AHCYL2: variants seen among roughly 807,000 people sequenced by gnomAD.
AHCYL2 encodes the protein adenosylhomocysteinase like 2.
Under a neutral mutation model 81.4 loss-of-function variants are expected in AHCYL2, and 28 were observed. The observed-to-expected ratio is 0.34, with a 90% CI of 0.25 to 0.47. The LOEUF is 0.47. AHCYL2 is among the 20% of genes least tolerant of loss of function. The probability of loss-of-function intolerance (pLI) is 1.00; values close to 1 mark genes in which losing one functional copy is unlikely to be tolerated. For synonymous variants in AHCYL2, 272 were observed against 290.2 expected (o/e 0.94, Z 0.64); for missense variants, 551 against 785.1 (o/e 0.70, Z 3.56).
intron 2 of AHCYL2, among the ~76,000 whole-genome samples, chr7:129,382,929 G>C (rs1795033631): frequency 6.6e-6 from 1 of 152,018 alleles, no homozygotes; most frequent in African/African-American, 2.4e-5. Flanking sequence ...TAATTTAAAT[G>C]ACTATAGAAA....
At chr7:129,283,786 A>G (rs965719865) in intron 1 of AHCYL2, among the ~76,000 whole-genome samples, 1 of 152,100 alleles carries the variant, frequency 6.6e-6, no homozygotes, top group South Asian at 2.1e-4. Flanking sequence ...CTTTTTTCAT[A>G]TTAGCTTCCA....
chr7:129,259,123 A>G (rs1455847262), intron 1 of AHCYL2, among the ~76,000 whole-genome samples: 1 of 152,140 alleles, frequency 6.6e-6, no homozygotes, highest in Non-Finnish European at 1.5e-5. Flanking sequence ...TTCCTTTAAT[A>G]ACATTACCTT....
At chr7:129,373,315 G>A (rs1035491526) in intron 1 of AHCYL2, among the ~76,000 whole-genome samples, 7 of 152,172 alleles carry the variant, frequency 4.6e-5, no homozygotes, top group Admixed American at 6.5e-5. Flanking sequence ...GGAGGCCGAG[G>A]TGGGCGGATC....
chr7:129,277,484 T>G (rs1447461667), intron 1 of AHCYL2, among the ~76,000 whole-genome samples: 6 of 152,154 alleles, frequency 3.9e-5, no homozygotes, highest in Non-Finnish European at 8.8e-5. Flanking sequence ...TTTGCCATGT[T>G]GCCCAGGCTG....
chr7:129,374,907 C>T (rs934586057), intron 1 of AHCYL2, among the ~76,000 whole-genome samples: 8 of 151,360 alleles, frequency 5.3e-5, no homozygotes, highest in Non-Finnish European at 8.8e-5. Context: ...CATCACTTTC[C>T]CCCCAATCTC....
intron 1 of AHCYL2, among the ~76,000 whole-genome samples, chr7:129,288,037 ATTAGCAATAATT>A (rs1460046825): frequency 1.3e-5 from 2 of 152,256 alleles, no homozygotes; most frequent in Non-Finnish European, 2.9e-5. Context: ...ATGCTAAAAA[ATTAGCAATAATT>A]TTTAATAGCA....
At chr7:129,423,550 G>C (rs1261279121) in intron 13 of AHCYL2, among the ~76,000 whole-genome samples, 1 of 151,992 alleles carries the variant, frequency 6.6e-6, no homozygotes, top group Non-Finnish European at 1.5e-5. Context: ...CTCTTCCCTA[G>C]TCCTGGATTC....
chr7:129,417,314 G>A (rs1796906460), intron 12 of AHCYL2, among the ~76,000 whole-genome samples: 1 of 152,172 alleles, frequency 6.6e-6, no homozygotes. Flanking sequence ...AATGAGCGTA[G>A]GACAAGGAAG....
chr7:129,406,589 G>A lies in AHCYL2; in HGVS notation c.1295+123G>A. The A allele has an allele frequency of 4.3e-6, 4 of 929,734 alleles. No homozygotes were observed. The South Asian group carries it at 5.8e-5, about 14-fold the overall frequency. 57.6% of individuals were successfully genotyped at this position (929,734 alleles called of 1,614,324 possible). A position where few individuals can be genotyped will look rare whatever the true frequency, so the allele number is the denominator to read the frequency against. Reference sequence around the variant, plus strand: ...TCAGAGATGCTGCCACTAACTCTAAGCATCTGTCTTTTAAAAAGGTCAAGG... The same window carrying A: ...TCAGAGATGCTGCCACTAACTCTAAACATCTGTCTTTTAAAAAGGTCAAGG... On this transcript the variant is annotated intron_variant, in intron 10 of 16. Transcript: ENST00000325006. This position sits in a 1 kb window ranked among gnomAD's most constrained non-coding sequence, Gnocchi z 4.3.
Position 129,321,752 on chromosome 7 carries a change from T to G in AHCYL2, c.364-57886T>G, listed in dbSNP as rs1024140757. On this transcript the variant is annotated intron_variant, in intron 1 of 16. Transcript: ENST00000325006. ...TTTGTATTCTTTCTTTGTTTTTTTT[T>G]TTTTTTTTTTTTGGTCTTGGTTTTG... is the stretch of plus-strand genomic sequence containing the variant. 6.8e-5 allele frequency among the ~76,000 whole-genome samples: 10 copies of G among 146,700 alleles called. 2 individuals carry two copies. The highest frequency in any genetic ancestry group is 2.2e-4 in the South Asian group (1 of 4,606).
chr7:129,288,514 C>T (rs1324043375), intron 1 of AHCYL2, among the ~76,000 whole-genome samples: 2 of 152,062 alleles, frequency 1.3e-5, no homozygotes, highest in African/African-American at 4.8e-5. Context: ...GGCCCGCCAC[C>T]ACGCCTGGCT....
At position 129,333,041 on chromosome 7, in the gene AHCYL2, T is replaced by C. The variant is rs112623165; in HGVS notation, c.364-46597T>C. On this transcript the variant is annotated intron_variant, in intron 1 of 16. Transcript: ENST00000325006. ...GTTTGCATGTTGGAAATGGTTACTA[T>C]TGAGGGGTGGAATTAATAGAGTCTA... is the stretch of plus-strand genomic sequence containing the variant. Among the ~76,000 whole-genome samples the C allele has an allele frequency of 3.6e-3, 541 of 152,270 alleles. 4 individuals are homozygous for C. The highest frequency in any genetic ancestry group is 6.8e-3 in the Middle Eastern group (2 of 294).
chr7:129,362,957 C>G (rs1438245870), intron 1 of AHCYL2, among the ~76,000 whole-genome samples: 2 of 151,972 alleles, frequency 1.3e-5, no homozygotes, highest in African/African-American at 4.8e-5. Context: ...TGTCCCTTCC[C>G]CTTTGGCCCT....
At chr7:129,372,344 G>T (rs551271794) in intron 1 of AHCYL2, among the ~76,000 whole-genome samples, 7 of 152,246 alleles carry the variant, frequency 4.6e-5, no homozygotes, top group African/African-American at 1.2e-4. Flanking sequence ...TACTTGAAAA[G>T]GAATTAATTG....
intron 1 of AHCYL2, among the ~76,000 whole-genome samples, chr7:129,252,484 AGGCTGCACGTGAT>A (rs1795277362): frequency 6.6e-6 from 1 of 152,234 alleles, no homozygotes; most frequent in African/African-American, 2.4e-5. Flanking sequence ...TATGTAGCAG[AGGCTGCACGTGAT>A]GGCTCACCTC....
At chr7:129,356,233 C>T (rs1793731572) in intron 1 of AHCYL2, among the ~76,000 whole-genome samples, 1 of 152,172 alleles carries the variant, frequency 6.6e-6, no homozygotes, top group Non-Finnish European at 1.5e-5. Flanking sequence ...TCATTTCTTT[C>T]AGCCACATTT....
At chr7:129,255,757 G>A (rs1347747730) in intron 1 of AHCYL2, among the ~76,000 whole-genome samples, 2 of 152,048 alleles carry the variant, frequency 1.3e-5, no homozygotes, top group African/African-American at 4.8e-5. Flanking sequence ...CCGAGGTTGG[G>A]AGTTCAAGAC....
chr7:129,302,217 G>A (rs1168125436), intron 1 of AHCYL2, among the ~76,000 whole-genome samples: 1 of 152,058 alleles, frequency 6.6e-6, no homozygotes, highest in African/African-American at 2.4e-5. Flanking sequence ...TGACTTTTGT[G>A]TGTTGATTTT....
In AHCYL2 at chr7:129,264,287, C is replaced by T. The variant is rs542094770; in HGVS notation, c.363+38848C>T. On this transcript the variant is annotated intron_variant, in intron 1 of 16. Coordinates refer to ENST00000325006, the MANE Select transcript of AHCYL2 (RefSeq NM_015328.4). ...CCACCCGCCTCAGCCTCCCAAAGTG[C>T]GGGATTACAGGCGTGAGCCACTGCG... Among the ~76,000 whole-genome samples the T allele has an allele frequency of 8.5e-5, 13 of 152,286 alleles. No individual in the cohort carries two copies. The South Asian group carries it at 1.4e-3, about 17-fold the overall frequency.
Sources: allele counts gnomAD v4.1 joint callset (sites outside exome capture counted in the v4.1 genomes callset), GRCh38; gene constraint gnomAD v4.1.1; non-coding constraint Gnocchi (gnomAD v3.1); transcripts MANE v1.5; gene names NCBI Gene and HGNC (gene_info 2026-07-23, HGNC 2026-07-21).